The following CA10 variants were observed in gnomAD, a reference collection of about 807,000 sequenced individuals.
CA10 encodes carbonic anhydrase 10 (inactive), also known as carbonic anhydrase-related protein 10.
Under a neutral mutation model 44.2 loss-of-function variants are expected in CA10, and 14 were observed. That is an observed-to-expected ratio of 0.32 (90% CI 0.21 to 0.50). CA10 has a LOEUF of 0.50. Among genes scored for constraint, CA10 ranks in the 20% least tolerant of loss-of-function variants. The pLI, the probability that CA10 is intolerant of heterozygous loss-of-function variation, is 0.99. For missense variants in CA10, 350 were observed against 409.7 expected (o/e 0.85, Z 1.26); for synonymous variants, 159 against 141.6 (o/e 1.12, Z -0.87).
intron 5 of CA10, among the ~76,000 whole-genome samples, chr17:51,651,210 G>T (rs1226255202): frequency 6.6e-6 from 1 of 152,120 alleles, no homozygotes; most frequent in Non-Finnish European, 1.5e-5. Flanking sequence ...AGAAGGAGGG[G>T]AGGACAACTA....
intron 1 of CA10, among the ~76,000 whole-genome samples, chr17:52,128,246 T>C (rs1403015015): frequency 6.6e-6 from 1 of 152,216 alleles, no homozygotes; most frequent in Non-Finnish European, 1.5e-5. Context: ...TATTTGTCAA[T>C]AGGATTTATC....
At chr17:51,704,407 T>C (rs1915696594) in intron 4 of CA10, among the ~76,000 whole-genome samples, 1 of 152,246 alleles carries the variant, frequency 6.6e-6, no homozygotes, top group African/African-American at 2.4e-5. Context: ...CTTTGTAATT[T>C]AAGTGGCCCT....
chr17:51,633,441 C>A (rs746538092), intron 8 of CA10, 35 bp downstream of exon 8: 2 of 1,595,356 alleles, frequency 1.3e-6, no homozygotes, highest in Non-Finnish European at 8.6e-7. Flanking sequence ...TGAGCTCTAG[C>A]CTAGATCCTC....
rs188889545 is a variant in CA10 at position 51,932,200 on chromosome 17, A to C, written c.137-1068T>G. On this transcript the variant is annotated intron_variant, in intron 2 of 8. Transcript: ENST00000451037. Reference sequence around the variant, plus strand: ...TGTTATGAGACTCCGGATGAGGGGAAGCCAATCCTGCCATGGTAGAGGGGA... The same window carrying C: ...TGTTATGAGACTCCGGATGAGGGGACGCCAATCCTGCCATGGTAGAGGGGA... Among the ~76,000 whole-genome samples the C allele has an allele frequency of 2.6e-5, 4 of 152,210 alleles. No homozygotes were observed. In the East Asian group the frequency reaches 7.7e-4, roughly 29 times the overall value.
rs569006860 is a variant in CA10 at position 52,028,460 on chromosome 17, T to C, written c.136+43859A>G. On this transcript the variant is annotated intron_variant, in intron 2 of 8. Transcript: ENST00000451037. Reference sequence around the variant, plus strand: ...CATGCTTTGTGGCATTTCAGTGAAATTGGAATTGTAAAATAATGATTTACT... The same window carrying C: ...CATGCTTTGTGGCATTTCAGTGAAACTGGAATTGTAAAATAATGATTTACT... Among the ~76,000 whole-genome samples, 7 of 152,262 alleles carry C rather than the reference T, an allele frequency of 4.6e-5. No individual in the cohort carries two copies. The East Asian group carries it at 9.7e-4, about 21-fold the overall frequency.
chr17:51,703,669 A>G (rs1450252949), intron 4 of CA10, among the ~76,000 whole-genome samples: 1 of 152,224 alleles, frequency 6.6e-6, no homozygotes, highest in Non-Finnish European at 1.5e-5. Context: ...GAGGTGTGCG[A>G]TGTACAAGAG....
intron 6 of CA10, among the ~76,000 whole-genome samples, chr17:51,638,404 TTTCCG>T (rs1390827501): frequency 6.6e-6 from 1 of 152,204 alleles, no homozygotes; most frequent in Non-Finnish European, 1.5e-5. Context: ...TGTTTCTACC[TTTCCG>T]TCAAAACACC....
chr17:51,806,765 T>C (rs992923448), intron 3 of CA10, among the ~76,000 whole-genome samples: 3 of 152,230 alleles, frequency 2.0e-5, no homozygotes, highest in African/African-American at 7.2e-5. Flanking sequence ...TGAGACTGAA[T>C]TCCATCAGCA....
At chr17:51,651,697 C>T (rs1238989612) in intron 5 of CA10, among the ~76,000 whole-genome samples, 6 of 152,316 alleles carry the variant, frequency 3.9e-5, no homozygotes, top group Middle Eastern at 3.4e-3. Flanking sequence ...CCAGTGTATC[C>T]GTCACTCTGT....
chr17:51,880,393 T>C (rs1319818924), intron 3 of CA10, among the ~76,000 whole-genome samples: 1 of 152,072 alleles, frequency 6.6e-6, no homozygotes, highest in South Asian at 2.1e-4. Flanking sequence ...TGCAACCCCA[T>C]TTCCAGGGCT....
At chr17:52,034,612 A>C (rs1986563813) in intron 2 of CA10, among the ~76,000 whole-genome samples, 1 of 152,140 alleles carries the variant, frequency 6.6e-6, no homozygotes, top group Non-Finnish European at 1.5e-5. Context: ...ATCTGAAGCC[A>C]AGCTGTCTGA....
intron 2 of CA10, 110 bp from the exon 3 acceptor site, chr17:51,931,242 G>A (rs953769279): frequency 1.9e-6 from 2 of 1,058,968 alleles, no homozygotes. Context: ...ACCACCAAAT[G>A]TTCCCACCCA....
chr17:52,113,977 G>T (rs1014757769), intron 1 of CA10, among the ~76,000 whole-genome samples: 4 of 152,186 alleles, frequency 2.6e-5, no homozygotes, highest in East Asian at 1.9e-4. Flanking sequence ...AAAACAGGAG[G>T]ATGGGATGGG....
At chr17:51,696,988 T>C (rs1378110420) in intron 4 of CA10, among the ~76,000 whole-genome samples, 1 of 152,150 alleles carries the variant, frequency 6.6e-6, no homozygotes, top group Non-Finnish European at 1.5e-5. Flanking sequence ...GTGTTTTGGC[T>C]TTGGGAAATC....
At chr17:51,767,269 C>G (rs1163496220) in intron 3 of CA10, among the ~76,000 whole-genome samples, 5 of 150,562 alleles carry the variant, frequency 3.3e-5, no homozygotes, top group Admixed American at 6.7e-5. Context: ...CTTCATTCAT[C>G]ATTAGGTGGA....
intron 2 of CA10, among the ~76,000 whole-genome samples, chr17:52,066,331 G>A (rs1017432735): frequency 6.6e-6 from 1 of 152,124 alleles, no homozygotes; most frequent in Admixed American, 6.5e-5. Context: ...ATAGTGATAT[G>A]GACAATGAAA....
At chr17:52,047,256 G>A (rs1233775498) in intron 2 of CA10, among the ~76,000 whole-genome samples, 1 of 151,896 alleles carries the variant, frequency 6.6e-6, no homozygotes, top group Non-Finnish European at 1.5e-5. Flanking sequence ...TGAACCTCTG[G>A]GAAATGTAAA....
At chr17:52,003,716 A>G (rs1486923589) in intron 2 of CA10, among the ~76,000 whole-genome samples, 2 of 151,934 alleles carry the variant, frequency 1.3e-5, no homozygotes, top group African/African-American at 4.8e-5. Context: ...AAGTTCACAC[A>G]AAAGGGAAAT....
intron 1 of CA10, among the ~76,000 whole-genome samples, chr17:52,149,200 C>G (rs1989651932): frequency 6.6e-6 from 1 of 152,270 alleles, no homozygotes; most frequent in African/African-American, 2.4e-5. Context: ...AGACTTGGCT[C>G]TGGAAAACTC....
Sources: allele counts gnomAD v4.1 joint callset (sites outside exome capture counted in the v4.1 genomes callset), GRCh38; gene constraint gnomAD v4.1.1; transcripts MANE v1.5; gene names NCBI Gene and HGNC (gene_info 2026-07-23, HGNC 2026-07-21).